DMD: variants seen among roughly 807,000 people sequenced by gnomAD.
DMD encodes mutant dystrophin.
Under a neutral mutation model 330.1 loss-of-function variants are expected in DMD, and 63 were observed. That is an observed-to-expected ratio of 0.19 (90% confidence interval 0.16 to 0.24). The LOEUF is 0.24. Ranked by LOEUF, DMD falls within the 10% of genes least tolerant of loss-of-function variation. DMD has a pLI of 1.00. For synonymous variants in DMD, 1,223 were observed against 959.8 expected (o/e 1.27, Z -5.07); for missense variants, 3,344 against 2,684.1 (o/e 1.25, Z -5.43).
intron 4 of DMD, among the ~76,000 whole-genome samples, chrX:32,828,205 T>C (rs1163716873): frequency 9.0e-6 from 1 of 111,655 alleles, no homozygotes; most frequent in Non-Finnish European, 1.9e-5. Flanking sequence ...TGTGTCTTTA[T>C]CGTAGAACAA....
upstream of DMD, among the ~76,000 whole-genome samples, chrX:33,212,945 T>C (rs183628739): frequency 9.0e-6 from 1 of 111,671 alleles, no homozygotes; most frequent in East Asian, 2.8e-4. Context: ...GGTACAATAT[T>C]GCCCAGAGTA....
intron 43 of DMD, among the ~76,000 whole-genome samples, chrX:32,280,006 C>CATATATATATATGTACCCCACAT (rs201513891): frequency 0.013 from 854 of 66,986 alleles, 38 homozygotes; most frequent in African/African-American, 0.052. Context: ...ATGTACCCCA[C>CATATATATATATGTACCCCACAT]ATATATATAT....
chrX:31,136,343 T>C (rs2035229464), intron 76 of DMD, among the ~76,000 whole-genome samples: 1 of 112,004 alleles, frequency 8.9e-6, no homozygotes, highest in African/African-American at 3.2e-5. Context: ...GAAGTGAAAT[T>C]CACTATTTTT....
At chrX:31,541,940 T>C (rs2073854494) in intron 55 of DMD, among the ~76,000 whole-genome samples, 1 of 112,068 alleles carries the variant, frequency 8.9e-6, no homozygotes, top group African/African-American at 3.2e-5. Context: ...TGATTACATA[T>C]TGAAATAATA....
intron 54 of DMD, among the ~76,000 whole-genome samples, chrX:31,646,253 TTGTGTG>T (rs3032279): frequency 0.035 from 3,593 of 102,982 alleles, 145 homozygotes; most frequent in African/African-American, 0.12. Context: ...GTGTTGTGTG[TTGTGTG>T]TGTGTGTGTG....
At chrX:33,219,743 G>C (rs753021462) in intron 1 of DMD, among the ~76,000 whole-genome samples, 8 of 111,897 alleles carry the variant, frequency 7.1e-5, no homozygotes, top group African/African-American at 2.6e-4. Flanking sequence ...CTGAATGTAA[G>C]AAAGGTATTA....
At chrX:32,696,136 G>A (rs1378652970) in intron 9 of DMD, among the ~76,000 whole-genome samples, 2 of 112,076 alleles carry the variant, frequency 1.8e-5, no homozygotes, top group African/African-American at 3.2e-5. Context: ...CTGTAGACCA[G>A]CAAGTAAACA....
At chrX:31,219,833 T>TACACACACACACACACACACACAC (rs58717973) in intron 64 of DMD, among the ~76,000 whole-genome samples, 7 of 100,325 alleles carry the variant, frequency 7.0e-5, no homozygotes, top group Admixed American at 2.2e-4. Context: ...GATCAATGTA[T>TACACACACACACACACACACACAC]ACACACACAC....
At chrX:31,530,647 C>CTTTTTTTTTTTTTTTTTTTTTTATTTTT (rs2073684904) in intron 55 of DMD, among the ~76,000 whole-genome samples, 16 of 49,840 alleles carry the variant, frequency 3.2e-4, no homozygotes, top group East Asian at 1.4e-3. Context: ...ACTGGTTTCT[C>CTTTTTTTTTTTTTTTTTTTTTTATTTTT]TTTTTTTTTT....
chrX:32,701,455 A>C (rs1320093478), intron 7 of DMD, among the ~76,000 whole-genome samples: 1 of 111,730 alleles, frequency 9.0e-6, no homozygotes, highest in Non-Finnish European at 1.9e-5. Flanking sequence ...TAATCTTACA[A>C]ACTTAGCTTT....
intron 1 of DMD, chrX:33,128,350 T>C (rs1420831550): frequency 4.0e-5 from 41 of 1,022,815 alleles, no homozygotes; most frequent in Non-Finnish European, 4.8e-5. Flanking sequence ...AAACACACAA[T>C]CTTTTTGCAC....
intron 37 of DMD, among the ~76,000 whole-genome samples, chrX:32,361,140 A>G (rs888029530): frequency 1.8e-5 from 2 of 109,775 alleles, no homozygotes; most frequent in Admixed American, 2.2e-4. Context: ...TAAAATGTGC[A>G]TGTGTGTGTG....
chrX:32,162,863 C>G (rs1312111619), intron 44 of DMD, among the ~76,000 whole-genome samples: 3 of 109,355 alleles, frequency 2.7e-5, no homozygotes, highest in African/African-American at 1.0e-4. Context: ...TACAGGCATG[C>G]AACAAGCATT....
At chrX:31,339,081 T>C (rs1017029554) in intron 61 of DMD, among the ~76,000 whole-genome samples, 3 of 111,176 alleles carry the variant, frequency 2.7e-5, no homozygotes, top group Admixed American at 1.9e-4. Flanking sequence ...CCTGTATATT[T>C]TACAATTGGC....
rs2053293667 is a variant in DMD at position 33,279,714 on chromosome X, C to T, written c.7+59545G>A. 1.8e-5 allele frequency among the ~76,000 whole-genome samples: 2 copies of T among 111,312 alleles called. 1 individual carries two copies. The highest frequency in any genetic ancestry group is 7.6e-4 in the South Asian group (2 of 2,625). On this transcript the variant is annotated intron_variant, in intron 1 of 17. Transcript: ENST00000288447. ...TTTACCCAGTTTCTCCGCTTCCTTG[C>T]CAGCATCTGGTGTCTATTTTCTTAT...
At chrX:33,071,422 TAAAA>T (rs747432653) in intron 1 of DMD, among the ~76,000 whole-genome samples, 2 of 71,104 alleles carry the variant, frequency 2.8e-5, no homozygotes, top group African/African-American at 5.2e-5. Flanking sequence ...CTGTCCTGAT[TAAAA>T]AAAAAAAAAA....
chrX:31,906,549 A>G (rs1217385383), intron 47 of DMD, among the ~76,000 whole-genome samples: 2 of 112,548 alleles, frequency 1.8e-5, no homozygotes, highest in Non-Finnish European at 3.8e-5. Flanking sequence ...GCCATGAATG[A>G]CACAGCCCTT....
At chrX:33,211,185 C>T in intron 1 of DMD, 97 bp downstream of exon 1, 1 of 1,019,365 alleles carries the variant, frequency 9.8e-7, no homozygotes, top group Non-Finnish European at 1.4e-6. Flanking sequence ...TTGCAAACTA[C>T]TGTGATAATT....
At chrX:32,607,249 T>G (rs2056805802) in intron 12 of DMD, among the ~76,000 whole-genome samples, 1 of 110,550 alleles carries the variant, frequency 9.0e-6, no homozygotes, top group Admixed American at 9.7e-5. Flanking sequence ...GCTTATTTTC[T>G]TTCATTTCTG....
Sources: gnomAD v4.1 joint callset for allele counts (sites outside exome capture counted in the v4.1 genomes callset) on GRCh38, gnomAD v4.1.1 for gene constraint, MANE v1.5 for transcripts, NCBI Gene and HGNC (gene_info 2026-07-23, HGNC 2026-07-21) for gene names.